GRIK4: variants seen among roughly 807,000 people sequenced by gnomAD.
GRIK4 encodes the protein glutamate ionotropic receptor kainate type subunit 4.
GRIK4 carries 40 observed loss-of-function variants against 104.9 expected under a neutral mutation model. That is an observed-to-expected ratio of 0.38 (90% confidence interval 0.30 to 0.50). The LOEUF (loss-of-function observed/expected upper bound fraction) is 0.50. Among genes scored for constraint, GRIK4 ranks in the 20% least tolerant of loss-of-function variants. GRIK4 has a pLI of 0.93. For synonymous variants in GRIK4, 485 were observed against 524.9 expected (o/e 0.92, Z 1.04); for missense variants, 1,047 against 1,308.1 (o/e 0.80, Z 3.08).
chr11:120,698,308 C>T (rs932016853), intron 3 of GRIK4, among the ~76,000 whole-genome samples: 5 of 152,246 alleles, frequency 3.3e-5, no homozygotes, highest in African/African-American at 9.6e-5. Flanking sequence ...TGAAATATCC[C>T]GAGTTTCCAG....
chr11:120,630,107 G>A (rs1342217176), intron 1 of GRIK4, among the ~76,000 whole-genome samples: 2 of 152,212 alleles, frequency 1.3e-5, no homozygotes, highest in Non-Finnish European at 2.9e-5. Flanking sequence ...AAGTAAAGTG[G>A]CTGGAAGGGT....
intron 1 of GRIK4, among the ~76,000 whole-genome samples, chr11:120,536,843 C>T (rs182079204): frequency 5.9e-5 from 9 of 152,324 alleles, no homozygotes; most frequent in Admixed American, 3.3e-4. Flanking sequence ...AAGTCAATTA[C>T]GTAAACAGAG....
chr11:120,882,353 C>T (rs892262984), intron 11 of GRIK4, among the ~76,000 whole-genome samples: 5 of 152,302 alleles, frequency 3.3e-5, no homozygotes, highest in African/African-American at 9.6e-5. Context: ...CTGCTTCTGC[C>T]GGAGCCTGGC....
At chr11:120,793,019 G>T (rs1404074196) in intron 3 of GRIK4, among the ~76,000 whole-genome samples, 1 of 152,182 alleles carries the variant, frequency 6.6e-6, no homozygotes, top group Non-Finnish European at 1.5e-5. Context: ...TTTCATGGAA[G>T]CCAAGGAGGT....
intron 3 of GRIK4, among the ~76,000 whole-genome samples, chr11:120,699,618 A>G (rs1225715071): frequency 6.6e-6 from 1 of 151,918 alleles, no homozygotes; most frequent in African/African-American, 2.4e-5. Context: ...TATTAAAGAG[A>G]AAAATAAAGC....
intron 3 of GRIK4, among the ~76,000 whole-genome samples, chr11:120,798,717 A>G (rs1346315768): frequency 1.3e-5 from 2 of 152,098 alleles, no homozygotes; most frequent in Non-Finnish European, 2.9e-5. Flanking sequence ...CCTGACATCA[A>G]GTGATCCGCC....
At chr11:120,571,526 GC>G (rs1284085020) in intron 1 of GRIK4, among the ~76,000 whole-genome samples, 5 of 152,164 alleles carry the variant, frequency 3.3e-5, no homozygotes, top group African/African-American at 1.2e-4. Context: ...CTAGTAAGTG[GC>G]AGAATTGTGA....
chr11:120,578,737 T>C (rs974428432), intron 1 of GRIK4, among the ~76,000 whole-genome samples: 1 of 152,250 alleles, frequency 6.6e-6, no homozygotes, highest in African/African-American at 2.4e-5. Flanking sequence ...TGCACCCAGC[T>C]GGCCAGTGGT....
At chr11:120,802,582 C>G (rs752496689) in intron 3 of GRIK4, 111 bp from the exon 4 acceptor site, 105 of 900,956 alleles carry the variant, frequency 1.2e-4, no homozygotes, top group Non-Finnish European at 1.7e-4. Flanking sequence ...TGGAGAGGAA[C>G]TTGGGGTGCT....
intron 13 of GRIK4, among the ~76,000 whole-genome samples, chr11:120,907,333 A>G (rs932970507): frequency 2.0e-5 from 3 of 152,104 alleles, no homozygotes; most frequent in East Asian, 1.9e-4. Context: ...CCATCTCCTT[A>G]TTAGCCCCCT....
At position 120,986,183 on chromosome 11, in the gene GRIK4, C is replaced by G; in HGVS notation, c.2794C>G (p.Arg932Gly). The change falls in exon 21 of 21, where the codon CGG becomes GGG. Residue 932 changes from arginine to glycine, a missense_variant. This residue lies in a region of GRIK4 where 160 missense variants were observed against 140.9 expected (regional missense o/e 1.14). Coordinates refer to ENST00000527524, the MANE Select transcript of GRIK4 (RefSeq NM_014619.5). ...CPECRRFQGL[R>G]ARPSPARSEE... ...CGAGTGCCGCCGCTTCCAGGGCCTGCGGGCACGGCCGTCGCCCGCCCGCAG... is the reference window on the plus strand; with the variant it reads ...CGAGTGCCGCCGCTTCCAGGGCCTGGGGGCACGGCCGTCGCCCGCCCGCAG... The G allele has an allele frequency of 6.4e-7, 1 of 1,559,792 alleles. No individual in the cohort carries two copies. Among genetic ancestry groups the G allele is most frequent in the Non-Finnish European group, 8.6e-7 (1 of 1,162,644 alleles).
intron 1 of GRIK4, among the ~76,000 whole-genome samples, chr11:120,571,665 G>A (rs1948401552): frequency 6.6e-6 from 1 of 151,816 alleles, no homozygotes; most frequent in African/African-American, 2.4e-5. Flanking sequence ...CATCCACCTG[G>A]CCTGGCCCAC....
intron 1 of GRIK4, among the ~76,000 whole-genome samples, chr11:120,582,279 A>C (rs1375471373): frequency 6.6e-6 from 1 of 151,072 alleles, no homozygotes; most frequent in East Asian, 1.9e-4. Context: ...ATATATACAT[A>C]TACATTATAC....
At chr11:120,850,223 A>G (rs1454460831) in intron 8 of GRIK4, among the ~76,000 whole-genome samples, 3 of 152,058 alleles carry the variant, frequency 2.0e-5, no homozygotes, top group Non-Finnish European at 4.4e-5. Context: ...CATCTGGATA[A>G]TCTCCTTCTT....
chr11:120,610,421 C>T (rs57461612), intron 1 of GRIK4, among the ~76,000 whole-genome samples: 8,531 of 152,272 alleles, frequency 0.056, 735 homozygotes, highest in African/African-American at 0.19. Context: ...TGGATGCCAA[C>T]CCCCTAAGCC....
At chr11:120,867,916 A>G (rs1430424694) in intron 9 of GRIK4, 1 of 152,214 alleles carries the variant, frequency 6.6e-6, no homozygotes, top group African/African-American at 2.4e-5. Context: ...AGTAATTAGA[A>G]TTTAGGCTAA....
chr11:120,880,131 C>T (rs183629963), intron 11 of GRIK4, among the ~76,000 whole-genome samples: 3 of 152,314 alleles, frequency 2.0e-5, no homozygotes, highest in Non-Finnish European at 2.9e-5. Context: ...TGTATCACTA[C>T]GTGGATACCT....
intron 1 of GRIK4, among the ~76,000 whole-genome samples, chr11:120,563,209 G>T (rs1487923019): frequency 2.0e-5 from 3 of 152,156 alleles, no homozygotes; most frequent in African/African-American, 4.8e-5. Context: ...GTCCATGTGG[G>T]ATAGGGATTG....
At chr11:120,550,432 G>A (rs2136094773) in intron 1 of GRIK4, among the ~76,000 whole-genome samples, 1 of 152,140 alleles carries the variant, frequency 6.6e-6, no homozygotes, top group South Asian at 2.1e-4. Context: ...GTCAGCAGTT[G>A]GATATCATCA....
Sources: gnomAD v4.1 joint callset for allele counts (sites outside exome capture counted in the v4.1 genomes callset) on GRCh38, gnomAD v4.1.1 for gene constraint, gnomAD v4.1.1 regional missense constraint, MANE v1.5 for transcripts, NCBI Gene and HGNC (gene_info 2026-07-23, HGNC 2026-07-21) for gene names.